CEP350: variants seen among roughly 807,000 people sequenced by gnomAD.
The protein encoded by CEP350 is centrosomal protein 350.
A neutral mutation model predicts 331.8 loss-of-function variants in CEP350; 126 were observed. The ratio of observed to expected loss-of-function variants is 0.38; its 90% CI spans 0.33 to 0.44. The LOEUF (loss-of-function observed/expected upper bound fraction) is 0.44, where lower values mean the gene tolerates loss of function less well. Ranked by LOEUF, CEP350 falls within the 20% of genes least tolerant of loss-of-function variation. The pLI is 1.00. For synonymous variants in CEP350, 1,200 were observed against 1,259.5 expected (o/e 0.95, Z 1.00); for missense variants, 3,406 against 3,634.6 (o/e 0.94, Z 1.62).
At position 180,095,798 on chromosome 1, in the gene CEP350, T is replaced by G; in HGVS notation, c.8787T>G (p.Asn2929Lys). The G allele has an allele frequency of 1.9e-6, 3 of 1,613,948 alleles. No homozygotes were observed. Among genetic ancestry groups the G allele is most frequent in the Non-Finnish European group, 2.5e-6 (3 of 1,179,876 alleles). ...AAGAAGTAGAGATTCTTGTACATAA[T>G]GCAGCAGAAGAACTTTGGAAATGGA... ...TAEEVEILVH[N>K]AAEELWKWKE... The change falls in exon 35 of 38, where the codon AAT (asparagine) becomes AAG (lysine). Residue 2929 changes from asparagine (N) to lysine (K), a missense_variant. Asn to Lys is a moderately conservative substitution (Grantham distance 94, BLOSUM62 0). This residue lies in a region of CEP350 where 1,415 missense variants were observed against 1,512.3 expected (regional missense o/e 0.94). Coordinates refer to ENST00000367607, the MANE Select transcript of CEP350 (RefSeq NM_014810.5).
Position 180,020,212 on chromosome 1 carries a change from C to A in CEP350, c.2438C>A (p.Pro813His), listed in dbSNP as rs773166863. 2 of 1,614,014 alleles carry A rather than the reference C, an allele frequency of 1.2e-6. No individual in the cohort carries two copies. The highest frequency in any genetic ancestry group is 2.2e-5 in the East Asian group (1 of 44,888). ...PAAYTDALLKPSASQYKSKLD... is the reference protein window; with the variant it reads ...PAAYTDALLKHSASQYKSKLD... ...GCTTATACAGATGCCTTGTTAAAAC[C>A]TAGTGCCAGCCAATATAAGAGTAAA... Residue 813 changes from proline (P) to histidine (H), a missense_variant, in exon 12 of 38, where the codon CCT becomes CAT. By Grantham distance (77) the Pro-to-His change is moderately conservative. Around this residue, in one of 5 missense-constraint regions of CEP350, gnomAD observed 1,857 missense variants for 1,909.2 expected, o/e 0.97. Transcript: ENST00000367607.
chr1:179,976,380 A>G (rs1651872555), intron 1 of CEP350, among the ~76,000 whole-genome samples: 1 of 152,190 alleles, frequency 6.6e-6, no homozygotes, highest in South Asian at 2.1e-4. Context: ...TGACCAGAGA[A>G]AACCCTGCAC....
chr1:180,096,265 G>T, intron 36 of CEP350, 81 bp downstream of exon 36: 1 of 1,441,102 alleles, frequency 6.9e-7, no homozygotes, highest in Non-Finnish European at 9.2e-7. Flanking sequence ...AAAAGCAGGT[G>T]CTCTTCTGTA....
chr1:180,074,346 T>C (rs1377413580), intron 27 of CEP350, among the ~76,000 whole-genome samples: 1 of 152,196 alleles, frequency 6.6e-6, no homozygotes, highest in Non-Finnish European at 1.5e-5. Flanking sequence ...CAGGTTAAAT[T>C]GAGAATTTGA....
Position 179,986,149 on chromosome 1 carries a change from GAAT to G in CEP350, c.-13-18_-13-16del. 2 of 1,530,480 alleles carry G rather than the reference GAAT, an allele frequency of 1.3e-6. No individual in the cohort carries two copies. Among genetic ancestry groups the G allele is most frequent in the Non-Finnish European group, 1.8e-6 (2 of 1,130,718 alleles). 94.8% of individuals were successfully genotyped at this position (1,530,480 alleles called of 1,614,324 possible). On this transcript the variant is annotated splice_polypyrimidine_tract_variant and intron_variant, in intron 1 of 37. Coordinates refer to ENST00000367607, the MANE Select transcript of CEP350 (RefSeq NM_014810.5). ...TAATATTATAAGATTGATGTTCGGT[GAAT>G]ACTGATGTGATTGCAGGTAAATTGG...
rs1228468357 is a variant in CEP350 at position 179,964,575 on chromosome 1, T to C, written c.-14+9433T>C. Among the ~76,000 whole-genome samples the C allele has an allele frequency of 3.9e-5, 6 of 152,258 alleles. No homozygotes were observed. The East Asian group carries it at 1.2e-3, about 29-fold the overall frequency. ...AATTTTGTAAATTGTTATGATCTGT[T>C]CAGGATTTCAGTTTCTTCCTTGTTC... On this transcript the variant is annotated intron_variant, in intron 1 of 37. Coordinates refer to ENST00000367607, the MANE Select transcript of CEP350 (RefSeq NM_014810.5).
At chr1:180,037,283 A>G (rs535573757) in intron 17 of CEP350, among the ~76,000 whole-genome samples, 194 bp downstream of exon 17, 1 of 152,296 alleles carries the variant, frequency 6.6e-6, no homozygotes, top group East Asian at 1.9e-4. Flanking sequence ...GAACAATAAT[A>G]AAATCATTCT....
At chr1:179,964,315 G>A (rs185605796) in intron 1 of CEP350, among the ~76,000 whole-genome samples, 2 of 152,138 alleles carry the variant, frequency 1.3e-5, no homozygotes, top group East Asian at 1.9e-4. Flanking sequence ...ATTCCTATGG[G>A]TAGGATGGAA....
rs879709054 is a variant in CEP350 at position 180,057,257 on chromosome 1, C to A, written c.5262+2755C>A. ...GGGATTACAGGCGTCTGCCACCACA[C>A]CCAGCTAATTTTTTTGTATTTTTAG... On this transcript the variant is annotated intron_variant, in intron 25 of 37. Transcript: ENST00000367607. Among the ~76,000 whole-genome samples, 39 of 152,112 alleles carry A rather than the reference C, an allele frequency of 2.6e-4. No homozygotes were observed. The Middle Eastern group carries it at 0.027, about 106-fold the overall frequency.
chr1:180,005,754 C>T (rs1558093880), intron 7 of CEP350, among the ~76,000 whole-genome samples: 1 of 152,124 alleles, frequency 6.6e-6, no homozygotes, highest in Non-Finnish European at 1.5e-5. Flanking sequence ...CTAATCTTCT[C>T]TTTTTTCAGT....
chr1:180,016,430 G>T (rs1187815264), intron 11 of CEP350, among the ~76,000 whole-genome samples: 1 of 152,084 alleles, frequency 6.6e-6, no homozygotes, highest in African/African-American at 2.4e-5. Flanking sequence ...GATCTGATTT[G>T]ATTTCAGATA....
chr1:180,041,066 T>C, intron 17 of CEP350, 72 bp from the exon 18 acceptor site: 2 of 1,068,990 alleles, frequency 1.9e-6, no homozygotes, highest in Non-Finnish European at 2.8e-6. Flanking sequence ...TAAGATAGCA[T>C]TGTGTGTGTT....
rs1655209280 is a variant in CEP350 at position 180,019,871 on chromosome 1, C to T, written c.2175-78C>T. ...TTTTTGTTGCAGTGCATCCTCATTA[C>T]TCTTATAATCAGATAAAAAAAAAAC... On this transcript the variant is annotated intron_variant, in intron 11 of 37. Coordinates refer to ENST00000367607, the MANE Select transcript of CEP350 (RefSeq NM_014810.5). 2.8e-5 allele frequency: 37 copies of T among 1,325,058 alleles called. 1 individual carries two copies. The South Asian group carries it at 6.4e-4, about 23-fold the overall frequency. 82.1% of individuals were successfully genotyped at this position (1,325,058 alleles called of 1,614,324 possible).
chr1:180,071,502 C>T (rs1266599666), intron 27 of CEP350, among the ~76,000 whole-genome samples: 7 of 150,672 alleles, frequency 4.6e-5, no homozygotes, highest in South Asian at 2.1e-4. Context: ...TTAAGCTGTG[C>T]GCGGTGGCTC....
At position 180,111,099 on chromosome 1, in the gene CEP350, A is replaced by G; in HGVS notation, c.9292A>G (p.Lys3098Glu). Reference sequence around the variant, plus strand: ...CGACGGGATCTTTGAGACCCTGATCAAAGATACTATTGATGTTCTGAATCA... The same window carrying G: ...CGACGGGATCTTTGAGACCCTGATCGAAGATACTATTGATGTTCTGAATCA... ...LADGIFETLI[K>E]DTIDVLNQIS... The change falls in exon 38 of 38, where the codon AAA becomes GAA. Residue 3098 changes from lysine to glutamate, a missense_variant. By Grantham distance (56) the Lys-to-Glu change is moderately conservative. Coordinates refer to ENST00000367607, the MANE Select transcript of CEP350 (RefSeq NM_014810.5). The G allele has an allele frequency of 1.9e-6, 3 of 1,613,990 alleles. No homozygotes were observed. Among genetic ancestry groups the G allele is most frequent in the Non-Finnish European group, 2.5e-6 (3 of 1,179,880 alleles).
intron 37 of CEP350, among the ~76,000 whole-genome samples, chr1:180,104,980 T>G (rs1364053571): frequency 6.6e-6 from 1 of 152,088 alleles, no homozygotes; most frequent in African/African-American, 2.4e-5. Flanking sequence ...AAATAACTCT[T>G]TTGTCATCAC....
At chr1:180,104,578 A>C (rs937910682) in intron 37 of CEP350, among the ~76,000 whole-genome samples, 1 of 152,142 alleles carries the variant, frequency 6.6e-6, no homozygotes, top group Non-Finnish European at 1.5e-5. Flanking sequence ...AACAGCTTGT[A>C]AGTGTCCAGT....
rs1355351100 is a variant in CEP350 at position 180,041,780 on chromosome 1, A to T, written c.4340A>T (p.Asp1447Val). The T allele has an allele frequency of 6.2e-7, 1 of 1,612,736 alleles. No individual in the cohort carries two copies. The highest frequency in any genetic ancestry group is 8.5e-7 in the Non-Finnish European group (1 of 1,179,332). The part of the protein sequence containing the change: ...QQSETARLTT[D>V]AARQICEMAE... ...TCAGAAACTGCTCGCCTCACCACAG[A>T]CGCAGCACGTCAAATCTGTGAGGTA... The change falls in exon 19 of 38, where the codon GAC becomes GTC. Residue 1447 changes from aspartate (D) to valine (V), a missense_variant. Coordinates refer to ENST00000367607, the MANE Select transcript of CEP350 (RefSeq NM_014810.5).
Position 180,048,617 on chromosome 1 carries a change from G to T in CEP350, c.4704G>T (p.Lys1568Asn). Residue 1568 changes from lysine to asparagine, a missense_variant, in exon 22 of 38, where the codon AAG becomes AAT. Around this residue, in one of 5 missense-constraint regions of CEP350, gnomAD observed 1,857 missense variants for 1,909.2 expected, o/e 0.97. Coordinates refer to ENST00000367607, the MANE Select transcript of CEP350 (RefSeq NM_014810.5). ...KENEKKLNGE[K>N]IESSIDEQVQ... ...ATGAGAAGAAACTTAATGGTGAAAA[G>T]ATAGAGAGTTCCATTGATGAACAGG... 1.9e-6 allele frequency: 3 copies of T among 1,610,672 alleles called. No homozygotes were observed. The highest frequency in any genetic ancestry group is 1.7e-6 in the Non-Finnish European group (2 of 1,176,960).
Sources: gnomAD v4.1 joint callset for allele counts (sites outside exome capture counted in the v4.1 genomes callset) on GRCh38, gnomAD v4.1.1 for gene constraint, gnomAD v4.1.1 regional missense constraint, MANE v1.5 for transcripts, NCBI Gene and HGNC (gene_info 2026-07-23, HGNC 2026-07-21) for gene names.